Variants in CSMD1 observed in about 807,000 individuals in gnomAD.
CSMD1 encodes the protein CUB and Sushi multiple domains 1.
CSMD1 carries 213 observed loss-of-function variants against 417.5 expected under a neutral mutation model. The ratio of observed to expected loss-of-function variants is 0.51; its 90% confidence interval spans 0.46 to 0.57. The LOEUF (loss-of-function observed/expected upper bound fraction) is 0.57. Ranked by LOEUF, CSMD1 falls within the 20% of genes least tolerant of loss-of-function variation. The probability of loss-of-function intolerance (pLI) is 0.00; values close to 1 mark genes in which losing one functional copy is unlikely to be tolerated. For synonymous variants in CSMD1, 2,862 were observed against 1,736.8 expected (o/e 1.65, Z -16.11); for missense variants, 6,923 against 4,529.7 (o/e 1.53, Z -15.17).
At chr8:4,253,979 C>T (rs369003548) in intron 3 of CSMD1, among the ~76,000 whole-genome samples, 28 of 127,988 alleles carry the variant, frequency 2.2e-4, no homozygotes, top group African/African-American at 7.4e-4. Context: ...TGCAGTGGTG[C>T]GATCTCGGCT....
At chr8:4,365,090 A>C (rs982460876) in intron 3 of CSMD1, among the ~76,000 whole-genome samples, 1 of 152,198 alleles carries the variant, frequency 6.6e-6, no homozygotes, top group Non-Finnish European at 1.5e-5. Flanking sequence ...GCAAGTTTAC[A>C]AGAAAAAGTT....
At chr8:4,130,878 T>A (rs1308981795) in intron 3 of CSMD1, among the ~76,000 whole-genome samples, 1 of 151,818 alleles carries the variant, frequency 6.6e-6, no homozygotes, top group Non-Finnish European at 1.5e-5. Flanking sequence ...AGTGTTCATA[T>A]GCTGAGATAG....
intron 10 of CSMD1, among the ~76,000 whole-genome samples, chr8:3,518,486 G>A (rs1033435342): frequency 6.6e-6 from 1 of 152,018 alleles, no homozygotes; most frequent in African/African-American, 2.4e-5. Flanking sequence ...AAATCTCATT[G>A]GTAGACTCAA....
chr8:4,914,937 G>C (rs372197880), intron 1 of CSMD1, among the ~76,000 whole-genome samples: 23 of 152,110 alleles, frequency 1.5e-4, no homozygotes, highest in African/African-American at 4.8e-4. Flanking sequence ...TTTATCCAAA[G>C]AAAATGATGA....
At chr8:4,438,099 G>C (rs748335751) in intron 2 of CSMD1, among the ~76,000 whole-genome samples, 5 of 152,152 alleles carry the variant, frequency 3.3e-5, no homozygotes, top group Non-Finnish European at 5.9e-5. Context: ...CCAAGTTCCT[G>C]CTGTTTCTAG....
At chr8:3,717,525 C>A (rs1801910077) in intron 6 of CSMD1, among the ~76,000 whole-genome samples, 1 of 152,028 alleles carries the variant, frequency 6.6e-6, no homozygotes. Flanking sequence ...GTCACATGGC[C>A]ATGAAAGATT....
intron 2 of CSMD1, among the ~76,000 whole-genome samples, chr8:4,449,528 C>A (rs1452566827): frequency 1.3e-5 from 2 of 152,172 alleles, no homozygotes; most frequent in Non-Finnish European, 2.9e-5. Flanking sequence ...TAGGCTGTGT[C>A]TGTGAGTCAC....
chr8:2,975,442 T>C (rs1011609981), intron 55 of CSMD1, among the ~76,000 whole-genome samples: 1 of 152,166 alleles, frequency 6.6e-6, no homozygotes, highest in African/African-American at 2.4e-5. Flanking sequence ...ACTGCTTTAG[T>C]ATCCTAGAGT....
intron 5 of CSMD1, among the ~76,000 whole-genome samples, chr8:3,847,060 G>C (rs1314913242): frequency 6.6e-6 from 1 of 152,120 alleles, no homozygotes; most frequent in Non-Finnish European, 1.5e-5. Flanking sequence ...AGGTTTAGAA[G>C]CCCTTCCAGG....
intron 3 of CSMD1, among the ~76,000 whole-genome samples, chr8:4,057,265 G>A (rs979199077): frequency 5.9e-5 from 9 of 152,236 alleles, no homozygotes; most frequent in Admixed American, 1.3e-4. Context: ...GTTTTGATTT[G>A]CATTTCTCTG....
chr8:3,256,559 C>G (rs1585820096), intron 26 of CSMD1, among the ~76,000 whole-genome samples: 1 of 152,172 alleles, frequency 6.6e-6, no homozygotes, highest in African/African-American at 2.4e-5. Flanking sequence ...AATCTTGCCC[C>G]TTTTGCTTTA....
At chr8:4,054,984 A>G (rs1798616704) in intron 3 of CSMD1, among the ~76,000 whole-genome samples, 1 of 152,230 alleles carries the variant, frequency 6.6e-6, no homozygotes, top group Non-Finnish European at 1.5e-5. Context: ...TTTTAACAGC[A>G]TACAAAGAAT....
Position 2,961,211 on chromosome 8 carries a change from G to A in CSMD1, c.9632C>T (p.Pro3211Leu), listed in dbSNP as rs1371848444. The change falls in exon 62 of 70, where the codon CCT becomes CTT. Residue 3211 changes from proline (P) to leucine (L), a missense_variant. Pro to Leu is a moderately conservative substitution (Grantham distance 98). Coordinates refer to ENST00000635120, the MANE Select transcript of CSMD1 (RefSeq NM_033225.6). The part of the protein sequence containing the change: ...WSGIQPTCID[P>L]AHNTCPDPGT... ...AGGGTCTGGGCAGGTGTTATGAGCA[G>A]GATCTGAAATTTGTGATTTAAAAAG... 2 of 1,588,410 alleles carry A rather than the reference G, an allele frequency of 1.3e-6. No homozygotes were observed. Among genetic ancestry groups the A allele is most frequent in the Admixed American group, 1.7e-5 (1 of 58,864 alleles).
chr8:4,779,662 A>T (rs1249772425), intron 1 of CSMD1, among the ~76,000 whole-genome samples: 3 of 152,160 alleles, frequency 2.0e-5, no homozygotes, highest in Non-Finnish European at 2.9e-5. Context: ...GCATTTTTAT[A>T]AATAGTCTCC....
chr8:3,819,337 G>A (rs919990299), intron 5 of CSMD1, among the ~76,000 whole-genome samples: 1 of 152,134 alleles, frequency 6.6e-6, no homozygotes, highest in African/African-American at 2.4e-5. Context: ...ACAGGTAGGA[G>A]ATTCATGTCA....
At chr8:4,048,637 T>C (rs953913158) in intron 3 of CSMD1, among the ~76,000 whole-genome samples, 1 of 152,212 alleles carries the variant, frequency 6.6e-6, no homozygotes, top group Non-Finnish European at 1.5e-5. Flanking sequence ...AAATAATTTT[T>C]GGGTGTCAAT....
intron 1 of CSMD1, among the ~76,000 whole-genome samples, chr8:4,902,593 T>C (rs1028036377): frequency 1.3e-5 from 2 of 152,248 alleles, no homozygotes; most frequent in Admixed American, 6.5e-5. Context: ...CTGTGGCTAA[T>C]AACATCCTTT....
At chr8:4,890,968 T>C (rs947652994) in intron 1 of CSMD1, among the ~76,000 whole-genome samples, 9 of 152,084 alleles carry the variant, frequency 5.9e-5, no homozygotes, top group Admixed American at 3.9e-4. Context: ...TGGTGGTGTT[T>C]GATTTCATAG....
At chr8:3,199,593 G>C (rs1796882196) in intron 33 of CSMD1, 121 bp downstream of exon 33, 3 of 441,594 alleles carry the variant, frequency 6.8e-6, no homozygotes, top group East Asian at 3.6e-5. Context: ...AACACCTTCA[G>C]CTCCTTAAAT....
Sources: gnomAD v4.1 joint callset for allele counts (sites outside exome capture counted in the v4.1 genomes callset) on GRCh38, gnomAD v4.1.1 for gene constraint, MANE v1.5 for transcripts, NCBI Gene and HGNC (gene_info 2026-07-23, HGNC 2026-07-21) for gene names.